ZSWIM5: variants seen among roughly 807,000 people sequenced by gnomAD.
ZSWIM5 encodes zinc finger SWIM domain-containing protein 5.
ZSWIM5 carries 55 observed loss-of-function variants against 119.6 expected under a neutral mutation model. That is an observed-to-expected ratio of 0.46 (90% CI 0.37 to 0.58). The LOEUF is 0.58. Among genes scored for constraint, ZSWIM5 ranks in the 20% least tolerant of loss-of-function variants. The pLI is 0.00. For synonymous variants in ZSWIM5, 537 were observed against 606.9 expected, an observed-to-expected ratio of 0.88 and a Z score of 1.69; for missense variants, 1,193 against 1,512.8, an observed-to-expected ratio of 0.79 and a Z score of 3.51.
rs1645368430 is a variant in ZSWIM5, at chr1:45,092,015, T to G, written c.596-3778A>C. ...CTTCTCCATTTTTAAGATGAGAGGC[T>G]GGCCTAAATGATCTCCATGGTTTAA... On this transcript the variant is annotated intron_variant, in intron 1 of 13. Coordinates refer to ENST00000359600, the MANE Select transcript of ZSWIM5 (RefSeq NM_020883.2). Among the ~76,000 whole-genome samples the G allele has an allele frequency of 3.3e-5, 5 of 152,190 alleles. No individual in the cohort carries two copies. The South Asian group carries it at 1.0e-3, about 32-fold the overall frequency.
Position 45,087,849 on chromosome 1 carries a change from C to A in ZSWIM5, c.952+32G>T, listed in dbSNP as rs148227660. 28 of 1,509,506 alleles carry A rather than the reference C, an allele frequency of 1.9e-5. No homozygotes were observed. The East Asian group carries it at 5.0e-4, about 27-fold the overall frequency. The allele number at this position is 1,509,506 out of a possible 1,614,324, so 93.5% of individuals were successfully genotyped here. ...TGGTGACAGTGGTGATGAAAAAGAC[C>A]TTTTTTTTCAATAAAAAAGTTGTAC... is the stretch of plus-strand genomic sequence containing the variant. On this transcript the variant is annotated intron_variant, in intron 2 of 13. Transcript: ENST00000359600.
At chr1:45,098,575 C>T (rs1484806236) in intron 1 of ZSWIM5, among the ~76,000 whole-genome samples, 2 of 152,174 alleles carry the variant, frequency 1.3e-5, no homozygotes, top group Admixed American at 6.5e-5. Context: ...AACTCTCCAC[C>T]CCAAATCAAC....
intron 1 of ZSWIM5, among the ~76,000 whole-genome samples, chr1:45,199,582 C>T (rs752125807): frequency 1.6e-4 from 25 of 152,218 alleles, no homozygotes; most frequent in African/African-American, 3.6e-4. Flanking sequence ...TGAGCCACCA[C>T]GCCTGGCCTC....
At chr1:45,175,459 T>C (rs1223512489) in intron 1 of ZSWIM5, among the ~76,000 whole-genome samples, 1 of 151,988 alleles carries the variant, frequency 6.6e-6, no homozygotes, top group Non-Finnish European at 1.5e-5. Context: ...CTAAAAATAT[T>C]TTATTTTGGA....
chr1:45,091,086 C>G (rs1188344346), intron 1 of ZSWIM5, among the ~76,000 whole-genome samples: 1 of 152,084 alleles, frequency 6.6e-6, no homozygotes, highest in Non-Finnish European at 1.5e-5. Flanking sequence ...CTCTGTAAAA[C>G]TATAAAATGT....
chr1:45,099,489 A>G (rs1183108082), intron 1 of ZSWIM5, among the ~76,000 whole-genome samples: 2 of 152,224 alleles, frequency 1.3e-5, no homozygotes, highest in African/African-American at 4.8e-5. Context: ...AGCTGGTACC[A>G]TTCCTTCTGA....
chr1:45,196,088 C>G (rs1397253057), intron 1 of ZSWIM5, among the ~76,000 whole-genome samples: 1 of 142,430 alleles, frequency 7.0e-6, no homozygotes, highest in African/African-American at 2.6e-5. Flanking sequence ...GCTGCCCAGG[C>G]TGGTCTCAAA....
intron 1 of ZSWIM5, among the ~76,000 whole-genome samples, chr1:45,171,391 T>G (rs1335375187): frequency 1.3e-5 from 2 of 152,074 alleles, no homozygotes; most frequent in African/African-American, 2.4e-5. Flanking sequence ...TGGTATTTCT[T>G]TGTTACAAGG....
chr1:45,067,883 T>A (rs1426073524), intron 2 of ZSWIM5, among the ~76,000 whole-genome samples: 1 of 152,154 alleles, frequency 6.6e-6, no homozygotes, highest in South Asian at 2.1e-4. Context: ...TCAATGTAAA[T>A]GATACTTTAA....
intron 1 of ZSWIM5, among the ~76,000 whole-genome samples, chr1:45,137,886 G>C (rs1645699197): frequency 6.6e-6 from 1 of 152,164 alleles, no homozygotes; most frequent in South Asian, 2.1e-4. Flanking sequence ...CTGCTGTGTT[G>C]AGAACATACT....
intron 1 of ZSWIM5, among the ~76,000 whole-genome samples, chr1:45,175,489 G>A (rs552670160): frequency 7.9e-5 from 12 of 151,716 alleles, no homozygotes; most frequent in Admixed American, 4.6e-4. Flanking sequence ...TCATTCTGTC[G>A]CCCAAGCTGC....
chr1:45,070,357 G>A (rs1645214317), intron 2 of ZSWIM5: 2 of 1,418,626 alleles, frequency 1.4e-6, no homozygotes, highest in South Asian at 2.3e-5. Flanking sequence ...GGCATGGGCA[G>A]CCAGGGTGGC....
intron 6 of ZSWIM5, 65 bp downstream of exon 6, chr1:45,043,154 G>A (rs926908760): frequency 4.1e-5 from 63 of 1,519,116 alleles, no homozygotes; most frequent in Non-Finnish European, 5.4e-5. Context: ...GTATGAAGAT[G>A]GCTCATTTGG....
intron 1 of ZSWIM5, among the ~76,000 whole-genome samples, chr1:45,143,835 A>T (rs1007696820): frequency 6.6e-6 from 1 of 152,258 alleles, no homozygotes; most frequent in South Asian, 2.1e-4. Flanking sequence ...AAAACCAAAC[A>T]TATTTCTTTA....
chr1:45,029,495 T>C (rs1341420574), intron 11 of ZSWIM5, among the ~76,000 whole-genome samples: 1 of 152,210 alleles, frequency 6.6e-6, no homozygotes, highest in Non-Finnish European at 1.5e-5. Flanking sequence ...CTGTGATCAG[T>C]TGATTAAAGT....
intron 7 of ZSWIM5, 141 bp from the exon 8 acceptor site, chr1:45,039,214 T>TA: frequency 3.7e-6 from 4 of 1,078,882 alleles, no homozygotes; most frequent in Non-Finnish European, 3.9e-6. Context: ...CTTGGGTTGA[T>TA]ACGGCTGGCC....
chr1:45,114,386 G>A (rs1645535121), intron 1 of ZSWIM5, among the ~76,000 whole-genome samples: 1 of 152,110 alleles, frequency 6.6e-6, no homozygotes, highest in African/African-American at 2.4e-5. Flanking sequence ...TACCAGAGAT[G>A]AAGGACATTT....
intron 4 of ZSWIM5, among the ~76,000 whole-genome samples, chr1:45,052,482 AT>A (rs1299447390): frequency 6.6e-6 from 1 of 152,190 alleles, no homozygotes; most frequent in African/African-American, 2.4e-5. Context: ...ATGAAAATTA[AT>A]TTCTGGCTGG....
rs191927609 is a variant in ZSWIM5, at chr1:45,094,683, G to A, written c.596-6446C>T. ...TTCAAGACCAGCCTGGCAACATGGCGAAACCCTGCCTCCATGAAAAGTACA... is the reference window on the plus strand; with the variant it reads ...TTCAAGACCAGCCTGGCAACATGGCAAAACCCTGCCTCCATGAAAAGTACA... On this transcript the variant is annotated intron_variant, in intron 1 of 13. Transcript: ENST00000359600. Among the ~76,000 whole-genome samples, 32 of 152,112 alleles carry A rather than the reference G, an allele frequency of 2.1e-4. No individual in the cohort carries two copies. In the East Asian group the frequency reaches 2.3e-3, roughly 11 times the overall value.
Sources: gnomAD v4.1 joint callset for allele counts (sites outside exome capture counted in the v4.1 genomes callset) on GRCh38, gnomAD v4.1.1 for gene constraint, MANE v1.5 for transcripts, NCBI Gene and HGNC (gene_info 2026-07-23, HGNC 2026-07-21) for gene names.